LDLRAD4: variants seen among roughly 807,000 people sequenced by gnomAD.
The protein encoded by LDLRAD4 is low-density lipoprotein receptor class A domain-containing protein 4.
LDLRAD4 carries 5 observed loss-of-function variants against 17.0 expected under a neutral mutation model. That is an observed-to-expected ratio of 0.29 (90% CI 0.15 to 0.62). The LOEUF (loss-of-function observed/expected upper bound fraction) is 0.62. Among genes scored for constraint, LDLRAD4 ranks in the 20% least tolerant of loss-of-function variants. The probability of loss-of-function intolerance (pLI) is 0.84; values close to 1 mark genes in which losing one functional copy is unlikely to be tolerated. For synonymous variants in LDLRAD4, 168 were observed against 171.8 expected, an observed-to-expected ratio of 0.98 and a Z score of 0.17; for missense variants, 340 against 424.7, an observed-to-expected ratio of 0.80 and a Z score of 1.75.
At chr18:13,402,565 G>A (rs979135710) in intron 2 of LDLRAD4, among the ~76,000 whole-genome samples, 6 of 152,104 alleles carry the variant, frequency 3.9e-5, no homozygotes, top group African/African-American at 1.4e-4. Context: ...GCTGAATCTG[G>A]GTATGTTTTG....
chr18:13,551,692 T>C (rs2094436468), intron 3 of LDLRAD4, among the ~76,000 whole-genome samples: 1 of 151,876 alleles, frequency 6.6e-6, no homozygotes, highest in African/African-American at 2.4e-5. Flanking sequence ...AGAGGGAATT[T>C]GGGGGAAACC....
intron 1 of LDLRAD4, among the ~76,000 whole-genome samples, chr18:13,238,160 A>G (rs986318250): frequency 1.8e-4 from 27 of 152,188 alleles, no homozygotes; most frequent in African/African-American, 6.3e-4. Flanking sequence ...GCCTTTCCCA[A>G]GTCTGGAGGG....
intron 1 of LDLRAD4, among the ~76,000 whole-genome samples, chr18:13,369,326 A>T (rs2144804857): frequency 6.6e-6 from 1 of 152,294 alleles, no homozygotes. Flanking sequence ...CCTGGTGGAG[A>T]CAGAAAAGGG....
intron 1 of LDLRAD4, among the ~76,000 whole-genome samples, chr18:13,369,701 A>G (rs1486911382): frequency 6.6e-6 from 1 of 152,210 alleles, no homozygotes; most frequent in Non-Finnish European, 1.5e-5. Context: ...AGCACCTTGG[A>G]TAAATGCTCT....
At chr18:13,444,834 G>A (rs2091281104) in intron 3 of LDLRAD4, among the ~76,000 whole-genome samples, 1 of 152,174 alleles carries the variant, frequency 6.6e-6, no homozygotes, top group Non-Finnish European at 1.5e-5. Context: ...ACCAGAGGAT[G>A]AAAAAGGCTT....
At chr18:13,620,972 G>A (rs900718240) in intron 3 of LDLRAD4, 145 bp from the exon 5 acceptor site, 195 of 1,165,630 alleles carry the variant, frequency 1.7e-4, no homozygotes, top group Middle Eastern at 7.2e-4. Context: ...AAGTGGGACA[G>A]TCGTTTCTGT....
intron 4 of LDLRAD4, among the ~76,000 whole-genome samples, chr18:13,623,213 T>C (rs928615956): frequency 3.3e-5 from 5 of 152,264 alleles, no homozygotes; most frequent in African/African-American, 1.2e-4. Context: ...AAGCGCTGGC[T>C]GCCCCACCTG....
At chr18:13,546,032 G>A (rs568035333) in intron 3 of LDLRAD4, among the ~76,000 whole-genome samples, 2 of 152,278 alleles carry the variant, frequency 1.3e-5, no homozygotes, top group East Asian at 3.9e-4. Flanking sequence ...TCCCCCTCTG[G>A]ACCTAAGTTC....
chr18:13,351,685 C>CAG lies in LDLRAD4; in HGVS notation c.-382-35651_-382-35650dup, dbSNP rs768841193. On this transcript the variant is annotated intron_variant, in intron 1 of 5. Transcript: ENST00000359446. The stretch of plus-strand genomic sequence containing the variant: ...TCACAGCCAAATTCTACCAGAGATA[C>CAG]AGAGAGTATCTGGTACCATTCCTTC... Among the ~76,000 whole-genome samples, 166 of 152,216 alleles carry CAG rather than the reference C, an allele frequency of 1.1e-3. 1 individual carries two copies. The highest frequency in any genetic ancestry group is 2.6e-4 in the Admixed American group (4 of 15,288).
At chr18:13,226,180 CTTT>C (rs71174166) in intron 1 of LDLRAD4, among the ~76,000 whole-genome samples, 26 of 52,208 alleles carry the variant, frequency 5.0e-4, no homozygotes, top group African/African-American at 1.8e-3. Context: ...CCATGCCTTG[CTTT>C]TTTTTTTTTT....
intron 3 of LDLRAD4, among the ~76,000 whole-genome samples, chr18:13,470,241 A>T (rs151157680): frequency 6.6e-6 from 1 of 152,058 alleles, no homozygotes; most frequent in African/African-American, 2.4e-5. Context: ...GAGTCTCTTG[A>T]CTTTCTTCAG....
chr18:13,279,610 A>G (rs2045123780), intron 1 of LDLRAD4: 1 of 152,214 alleles, frequency 6.6e-6, no homozygotes. Context: ...TAAGTATCTG[A>G]TTTTCCCCCT....
intron 1 of LDLRAD4, among the ~76,000 whole-genome samples, chr18:13,258,410 A>G (rs2043621847): frequency 6.6e-6 from 1 of 152,152 alleles, no homozygotes; most frequent in Non-Finnish European, 1.5e-5. Context: ...CTGCTAATGA[A>G]TGGCCACTAG....
At chr18:13,469,849 C>T (rs1199921459) in intron 3 of LDLRAD4, among the ~76,000 whole-genome samples, 1 of 152,160 alleles carries the variant, frequency 6.6e-6, no homozygotes, top group Non-Finnish European at 1.5e-5. Context: ...AATTGTGTCT[C>T]AGTTACTGGG....
chr18:13,290,866 C>T (rs1319766798), intron 1 of LDLRAD4, among the ~76,000 whole-genome samples: 1 of 152,236 alleles, frequency 6.6e-6, no homozygotes, highest in African/African-American at 2.4e-5. Flanking sequence ...GTGCAGTCTA[C>T]ATAAGGACCA....
intron 2 of LDLRAD4, among the ~76,000 whole-genome samples, chr18:13,407,329 C>T (rs1251980126): frequency 6.6e-6 from 1 of 152,116 alleles, no homozygotes; most frequent in African/African-American, 2.4e-5. Flanking sequence ...TTTTCTTCAT[C>T]ATAGCATTAG....
At chr18:13,614,748 C>T (rs1239270698) in intron 3 of LDLRAD4, 1 of 152,178 alleles carries the variant, frequency 6.6e-6, no homozygotes, top group African/African-American at 2.4e-5. Flanking sequence ...TTCCTGCCAC[C>T]ACCGCCGCCC....
intron 3 of LDLRAD4, among the ~76,000 whole-genome samples, chr18:13,536,920 G>A (rs2094208382): frequency 6.6e-6 from 1 of 152,038 alleles, no homozygotes; most frequent in African/African-American, 2.4e-5. Flanking sequence ...ATAATAAATT[G>A]TATTGATTAA....
At chr18:13,251,984 A>ACT (rs2043243487) in intron 1 of LDLRAD4, among the ~76,000 whole-genome samples, 2 of 152,224 alleles carry the variant, frequency 1.3e-5, no homozygotes, top group Admixed American at 6.5e-5. Flanking sequence ...AAAGAAGCAA[A>ACT]CTGAAAAGAA....
Sources: gnomAD v4.1 joint callset for allele counts (sites outside exome capture counted in the v4.1 genomes callset) on GRCh38, gnomAD v4.1.1 for gene constraint, MANE v1.5 for transcripts, NCBI Gene and HGNC (gene_info 2026-07-23, HGNC 2026-07-21) for gene names.